Variants in MTSS2 observed in about 807,000 individuals in gnomAD.
The protein encoded by MTSS2 is MTSS I-BAR domain containing 2, also known as protein MTSS 2.
A neutral mutation model predicts 67.1 loss-of-function variants in MTSS2; 27 were observed. The ratio of observed to expected loss-of-function variants is 0.40; its 90% CI spans 0.30 to 0.55. The LOEUF (loss-of-function observed/expected upper bound fraction) is 0.55, where lower values mean the gene tolerates loss of function less well. Among genes scored for constraint, MTSS2 ranks in the 20% least tolerant of loss-of-function variants. The pLI is 0.43. For missense variants in MTSS2, 1,171 were observed against 1,067.8 expected, an observed-to-expected ratio of 1.10 and a Z score of -1.35; for synonymous variants, 624 against 468.6, an observed-to-expected ratio of 1.33 and a Z score of -4.28.
At chr16:70,668,615 C>A (rs1361542490) in intron 11 of MTSS2, among the ~76,000 whole-genome samples, 2 of 152,116 alleles carry the variant, frequency 1.3e-5, no homozygotes, top group African/African-American at 4.8e-5. Flanking sequence ...CTATGTCTCC[C>A]CCAAATTCCT....
rs933860440 is a variant in MTSS2 at position 70,661,493 on chromosome 16, C to G, written c.*2184G>C. 1 of 350,494 alleles carries G rather than the reference C, an allele frequency of 2.9e-6. No homozygotes were observed. Among genetic ancestry groups the G allele is most frequent in the East Asian group, 7.9e-5 (1 of 12,618 alleles). 21.7% of individuals were successfully genotyped at this position (350,494 alleles called of 1,614,324 possible). On this transcript the variant is annotated 3_prime_UTR_variant, in exon 15 of 15. Transcript: ENST00000338779. ...CAGGAAAGTTACTTCAGTCAAAAGA[C>G]GCTTTTGAAAAGAATATTTCTCCGT...
At chr16:70,671,024 C>T (rs1158790279) in intron 11 of MTSS2, among the ~76,000 whole-genome samples, 1 of 149,260 alleles carries the variant, frequency 6.7e-6, no homozygotes, top group Admixed American at 6.7e-5. Context: ...AGCAGTTACC[C>T]TTGGGTGTGT....
chr16:70,679,347 A>G lies in MTSS2; in HGVS notation c.458-24T>C, dbSNP rs761105177. The G allele has an allele frequency of 6.2e-6, 10 of 1,613,422 alleles. No individual in the cohort carries two copies. In the South Asian group the frequency reaches 1.1e-4, roughly 18 times the overall value. On this transcript the variant is annotated intron_variant, in intron 6 of 14. Transcript: ENST00000338779. ...CTCTACAGGAAGGATGTGGGAGGAG[A>G]GGAGGAGAGACAGAGAAAGAAAGAA...
chr16:70,676,927 G>C lies in MTSS2; in HGVS notation c.784C>G (p.Pro262Ala). ...SDYSWSYQTP[P>A]SSPSSSSSRK... ...GAGCTGGAGCTGCTGGGTGATGAGGGTGGGGTCTGGTAGGACCAGCTGTAG... is the reference window on the plus strand; with the variant it reads ...GAGCTGGAGCTGCTGGGTGATGAGGCTGGGGTCTGGTAGGACCAGCTGTAG... Residue 262 changes from proline (P) to alanine (A), a missense_variant, in exon 10 of 15, where the codon CCC becomes GCC. Physicochemically the swap from Pro to Ala is conservative, Grantham distance 27. This residue lies in a region of MTSS2 where 924 missense variants were observed against 756.0 expected (regional missense o/e 1.22). Coordinates refer to ENST00000338779, the MANE Select transcript of MTSS2 (RefSeq NM_138383.3). 1 of 1,613,958 alleles carries C rather than the reference G, an allele frequency of 6.2e-7. No homozygotes were observed. The highest frequency in any genetic ancestry group is 8.5e-7 in the Non-Finnish European group (1 of 1,179,994).
intron 10 of MTSS2, 39 bp downstream of exon 10, chr16:70,676,842 A>T: frequency 1.3e-6 from 2 of 1,569,710 alleles, no homozygotes; most frequent in Non-Finnish European, 1.7e-6. Context: ...CTCTTGGGAT[A>T]CCGCCCCCCA....
rs1413040929 is a variant in MTSS2, at chr16:70,662,513, G to A, written c.*1164C>T. On this transcript the variant is annotated 3_prime_UTR_variant, in exon 15 of 15. Coordinates refer to ENST00000338779, the MANE Select transcript of MTSS2 (RefSeq NM_138383.3). ...CTTCCCAGACTCGCTCCCCCACCTG[G>A]GCTTGCAGCCAGCTCAGACCACAGC... 2 of 152,402 alleles carry A rather than the reference G, an allele frequency of 1.3e-5. No individual in the cohort carries two copies. The highest frequency in any genetic ancestry group is 2.9e-5 in the Non-Finnish European group (2 of 68,236). The allele number at this position is 152,402 out of a possible 1,614,324, so 9.4% of individuals were successfully genotyped here.
Position 70,676,959 on chromosome 16 carries a change from C to T in MTSS2, c.752G>A (p.Gly251Asp). 6.2e-7 allele frequency: 1 copy of T among 1,613,868 alleles called. No individual in the cohort carries two copies. Among genetic ancestry groups the T allele is most frequent in the African/African-American group, 1.3e-5 (1 of 75,016 alleles). ...ASEQVIKDLK[G>D]SDYSWSYQTP... Reference sequence around the variant, plus strand: ...CTGGTAGGACCAGCTGTAGTCCGAGCCCTTTAGGTCTTTGATTACCTGGAC... The same window carrying T: ...CTGGTAGGACCAGCTGTAGTCCGAGTCCTTTAGGTCTTTGATTACCTGGAC... Residue 251 changes from glycine (G) to aspartate (D), a missense_variant, in exon 10 of 15, where the codon GGC (glycine) becomes GAC (aspartate). Coordinates refer to ENST00000338779, the MANE Select transcript of MTSS2 (RefSeq NM_138383.3).
intron 1 of MTSS2, among the ~76,000 whole-genome samples, chr16:70,682,021 C>T (rs1474488518): frequency 6.6e-6 from 1 of 152,180 alleles, no homozygotes; most frequent in Non-Finnish European, 1.5e-5. Context: ...AATGCGGAGA[C>T]CCTGGCCCTC....
At chr16:70,672,946 A>G in intron 11 of MTSS2, among the ~76,000 whole-genome samples, 1 of 152,150 alleles carries the variant, frequency 6.6e-6, no homozygotes, top group East Asian at 1.9e-4. Flanking sequence ...AGATCCCTTG[A>G]GCCCAGGAGT....
At chr16:70,669,943 C>A (rs2052868960) in intron 11 of MTSS2, among the ~76,000 whole-genome samples, 1 of 151,868 alleles carries the variant, frequency 6.6e-6, no homozygotes, top group South Asian at 2.1e-4. Context: ...TATAAAATGC[C>A]AAGCGCTGGT....
At chr16:70,668,229 A>G (rs182269464) in intron 11 of MTSS2, among the ~76,000 whole-genome samples, 1 of 152,100 alleles carries the variant, frequency 6.6e-6, no homozygotes, top group East Asian at 1.9e-4. Context: ...CCTGGCCAAC[A>G]TGACAAAACC....
intron 14 of MTSS2, 42 bp from the exon 15 acceptor site, chr16:70,664,491 C>A: frequency 1.3e-6 from 2 of 1,545,536 alleles, no homozygotes; most frequent in South Asian, 2.5e-5. Context: ...CCCAGGTGGC[C>A]CCTTGCCCCC....
chr16:70,674,385 G>A lies in MTSS2; in HGVS notation c.974C>T (p.Ser325Phe). The change falls in exon 11 of 15, where the codon TCC becomes TTC. Residue 325 changes from serine to phenylalanine, a missense_variant. Physicochemically the swap from Ser to Phe is radical, Grantham distance 155. Transcript: ENST00000338779. ...CTGGGAGACGAAGCCAGAGTCATGG[G>A]AGGAAACGCTGGAGAGGCGAGCGGT... ...TTTARLSSVS[S>F]HDSGFVSQDA... 1 of 1,614,222 alleles carries A rather than the reference G, an allele frequency of 6.2e-7. No individual in the cohort carries two copies. The highest frequency in any genetic ancestry group is 8.5e-7 in the Non-Finnish European group (1 of 1,180,046).
At chr16:70,685,076 T>C (rs2053410195) in intron 1 of MTSS2, among the ~76,000 whole-genome samples, 1 of 151,992 alleles carries the variant, frequency 6.6e-6, no homozygotes, top group Non-Finnish European at 1.5e-5. Context: ...AAGCGCTTCC[T>C]TGGGGTTGCT....
chr16:70,680,339 C>T (rs531636816), intron 3 of MTSS2, among the ~76,000 whole-genome samples: 66 of 152,270 alleles, frequency 4.3e-4, no homozygotes, highest in African/African-American at 1.6e-3. Context: ...CCAAACGACC[C>T]TCCAGGTGTG....
chr16:70,664,565 G>A (rs767382250), intron 14 of MTSS2, 33 bp downstream of exon 14: 6 of 1,605,050 alleles, frequency 3.7e-6, no homozygotes, highest in African/African-American at 1.3e-5. Context: ...AGTCCCAGCT[G>A]TCCCTGGTCC....
intron 7 of MTSS2, 139 bp downstream of exon 7, chr16:70,679,176 G>A (rs1370661858): frequency 5.7e-6 from 6 of 1,058,566 alleles, no homozygotes; most frequent in Non-Finnish European, 8.5e-6. Flanking sequence ...TGTGCCCCAG[G>A]CCCCTCCCTC....
intron 1 of MTSS2, among the ~76,000 whole-genome samples, chr16:70,685,328 G>A (rs111391049): frequency 0.042 from 6,358 of 152,242 alleles, 338 homozygotes; most frequent in African/African-American, 0.13. Context: ...GCATTGTCTG[G>A]GCTCCGGGGC....
intron 11 of MTSS2, among the ~76,000 whole-genome samples, chr16:70,667,828 G>A (rs574246803): frequency 2.0e-4 from 30 of 152,072 alleles, no homozygotes; most frequent in South Asian, 1.0e-3. Flanking sequence ...AGCTGAGATC[G>A]CGCCACTGCA....
Sources: gnomAD v4.1 joint callset for allele counts (sites outside exome capture counted in the v4.1 genomes callset) on GRCh38, gnomAD v4.1.1 for gene constraint, gnomAD v4.1.1 regional missense constraint, MANE v1.5 for transcripts, NCBI Gene and HGNC (gene_info 2026-07-23, HGNC 2026-07-21) for gene names.